The following GALNTL6 variants were observed in gnomAD, a reference collection of about 807,000 sequenced individuals.
GALNTL6 encodes polypeptide N-acetylgalactosaminyltransferase-like 6.
GALNTL6 carries 46 observed loss-of-function variants against 73.7 expected under a neutral mutation model. The ratio of observed to expected loss-of-function variants is 0.62; its 90% CI spans 0.49 to 0.80. The LOEUF (loss-of-function observed/expected upper bound fraction) is 0.80, where lower values mean the gene tolerates loss of function less well. Among genes scored for constraint, GALNTL6 ranks in the 30% least tolerant of loss-of-function variants. GALNTL6 has a pLI of 0.00. For missense variants in GALNTL6, 604 were observed against 755.0 expected (o/e 0.80, Z 2.34); for synonymous variants, 259 against 263.7 (o/e 0.98, Z 0.17).
chr4:172,010,427 A>G (rs963125400), intron 2 of GALNTL6, among the ~76,000 whole-genome samples: 1 of 152,106 alleles, frequency 6.6e-6, no homozygotes, highest in East Asian at 1.9e-4. Context: ...CTATTAATGC[A>G]TAGAATAGGA....
chr4:172,797,551 T>C (rs1393273885), intron 5 of GALNTL6, among the ~76,000 whole-genome samples: 2 of 150,692 alleles, frequency 1.3e-5, no homozygotes, highest in Non-Finnish European at 3.0e-5. Flanking sequence ...GGCCTATTTT[T>C]TGGTTTCTTT....
chr4:173,002,793 T>A (rs1315127829), intron 10 of GALNTL6, among the ~76,000 whole-genome samples: 16 of 22,164 alleles, frequency 7.2e-4, no homozygotes, highest in African/African-American at 1.7e-3. Context: ...AGACTCCGTC[T>A]CAAAAAAAAA....
intron 5 of GALNTL6, among the ~76,000 whole-genome samples, chr4:172,523,026 G>T (rs1409737289): frequency 1.3e-5 from 2 of 152,006 alleles, no homozygotes; most frequent in African/African-American, 4.8e-5. Context: ...AATAAATTTT[G>T]CTTTTATTTA....
intron 5 of GALNTL6, among the ~76,000 whole-genome samples, chr4:172,403,620 CACTT>C (rs1354130950): frequency 1.3e-5 from 2 of 151,964 alleles, no homozygotes; most frequent in Admixed American, 1.3e-4. Context: ...TATACATCAT[CACTT>C]AGTATGTCAA....
chr4:171,851,939 G>A (rs1735534857), intron 2 of GALNTL6, among the ~76,000 whole-genome samples: 1 of 152,174 alleles, frequency 6.6e-6, no homozygotes, highest in Non-Finnish European at 1.5e-5. Flanking sequence ...AAATGCCTTA[G>A]GGAATAAAAG....
intron 4 of GALNTL6, among the ~76,000 whole-genome samples, chr4:172,345,788 G>C (rs1741719290): frequency 6.6e-6 from 1 of 152,176 alleles, no homozygotes; most frequent in African/African-American, 2.4e-5. Flanking sequence ...CAGGGAATGT[G>C]AGAAAGGAAG....
At chr4:172,306,014 T>C (rs17289279) in intron 3 of GALNTL6, among the ~76,000 whole-genome samples, 63,029 of 152,122 alleles carry the variant, frequency 0.41, 15,185 homozygotes, top group South Asian at 0.64. Flanking sequence ...GGCTCAGCAC[T>C]AAAAATATGC....
At chr4:172,323,251 A>G (rs1578954935) in intron 4 of GALNTL6, among the ~76,000 whole-genome samples, 1 of 152,186 alleles carries the variant, frequency 6.6e-6, no homozygotes, top group Non-Finnish European at 1.5e-5. Flanking sequence ...ACATGCTTGC[A>G]TATACTTGGC....
rs553059704 is a variant in GALNTL6 at position 172,543,636 on chromosome 4, A to G, written c.553+194947A>G. 7.2e-5 allele frequency among the ~76,000 whole-genome samples: 11 copies of G among 152,372 alleles called. No individual in the cohort carries two copies. The South Asian group carries it at 1.2e-3, about 17-fold the overall frequency. The stretch of plus-strand genomic sequence containing the variant: ...CAAGTTTTCAAAAGTAAATGGTTTG[A>G]GAAAACAGAGACAGGGTAAGATGAG... On this transcript the variant is annotated intron_variant, in intron 5 of 12. Coordinates refer to ENST00000506823, the MANE Select transcript of GALNTL6 (RefSeq NM_001034845.3).
intron 2 of GALNTL6, among the ~76,000 whole-genome samples, chr4:171,918,313 CT>C (rs1737686612): frequency 6.6e-6 from 1 of 152,028 alleles, no homozygotes; most frequent in Non-Finnish European, 1.5e-5. Context: ...CATTAAATCT[CT>C]GATATGTATA....
At chr4:172,390,310 A>C (rs1743617459) in intron 5 of GALNTL6, among the ~76,000 whole-genome samples, 1 of 152,222 alleles carries the variant, frequency 6.6e-6, no homozygotes, top group Non-Finnish European at 1.5e-5. Flanking sequence ...GGACTGTTTA[A>C]ACTTTAATTA....
intron 5 of GALNTL6, among the ~76,000 whole-genome samples, chr4:172,555,684 C>CA (rs1012725764): frequency 5.3e-5 from 8 of 151,194 alleles, no homozygotes; most frequent in African/African-American, 9.7e-5. Context: ...TCCCTAAATG[C>CA]AAAAAAAATT....
At chr4:172,334,430 G>A (rs890212568) in intron 4 of GALNTL6, among the ~76,000 whole-genome samples, 2 of 152,080 alleles carry the variant, frequency 1.3e-5, no homozygotes, top group Non-Finnish European at 2.9e-5. Flanking sequence ...TTTCATCAGT[G>A]TTTTGTAATT....
chr4:172,209,032 A>G (rs1560970598), intron 2 of GALNTL6, among the ~76,000 whole-genome samples: 1 of 152,128 alleles, frequency 6.6e-6, no homozygotes, highest in African/African-American at 2.4e-5. Context: ...TTAATTCTCA[A>G]GTACATTTTT....
chr4:172,684,817 C>T (rs940001478), intron 5 of GALNTL6, among the ~76,000 whole-genome samples: 2 of 152,164 alleles, frequency 1.3e-5, no homozygotes, highest in Non-Finnish European at 2.9e-5. Context: ...TGCCTTTGCT[C>T]GTGCTGCCTT....
At chr4:172,482,073 G>T (rs2111484803) in intron 5 of GALNTL6, among the ~76,000 whole-genome samples, 1 of 152,336 alleles carries the variant, frequency 6.6e-6, no homozygotes, top group Admixed American at 6.5e-5. Flanking sequence ...TGGCCCAGCA[G>T]TGCTGGGGGA....
At chr4:171,970,116 C>A in intron 2 of GALNTL6, among the ~76,000 whole-genome samples, 1 of 152,252 alleles carries the variant, frequency 6.6e-6, no homozygotes, top group East Asian at 1.9e-4. Flanking sequence ...TTCAACTTGA[C>A]TTTGCGTATA....
intron 5 of GALNTL6, among the ~76,000 whole-genome samples, chr4:172,734,843 C>T (rs1265305753): frequency 2.6e-5 from 4 of 152,194 alleles, no homozygotes; most frequent in Admixed American, 2.0e-4. Context: ...CTAAAACGGG[C>T]CAAGGTACAG....
At chr4:172,868,132 G>A (rs1016260473) in intron 7 of GALNTL6, among the ~76,000 whole-genome samples, 11 of 152,250 alleles carry the variant, frequency 7.2e-5, no homozygotes, top group Admixed American at 6.5e-5. Flanking sequence ...AGCCAAAACC[G>A]AATATTTAGA....
Sources: allele counts gnomAD v4.1 joint callset (sites outside exome capture counted in the v4.1 genomes callset), GRCh38; gene constraint gnomAD v4.1.1; transcripts MANE v1.5; gene names NCBI Gene and HGNC (gene_info 2026-07-23, HGNC 2026-07-21).